The following DTD1 variants were observed in gnomAD, a reference collection of about 807,000 sequenced individuals.
The protein encoded by DTD1 is D-tyrosyl-tRNA deacylase 1 homolog.
Under a neutral mutation model 25.6 loss-of-function variants are expected in DTD1, and 13 were observed. That is an observed-to-expected ratio of 0.51 (90% CI 0.33 to 0.81). DTD1 has a LOEUF of 0.81. Ranked by LOEUF, DTD1 falls within the 30% of genes least tolerant of loss-of-function variation. The pLI, the probability that DTD1 is intolerant of heterozygous loss-of-function variation, is 0.02. For synonymous variants in DTD1, 110 were observed against 103.6 expected (o/e 1.06, Z -0.37); for missense variants, 193 against 266.4 (o/e 0.72, Z 1.92).
intron 3 of DTD1, among the ~76,000 whole-genome samples, chr20:18,616,613 C>T (rs755446552): frequency 2.0e-5 from 3 of 151,858 alleles, no homozygotes; most frequent in Non-Finnish European, 4.4e-5. Context: ...CATAGCAAGA[C>T]CCCATCTCTA....
At chr20:18,630,525 A>G (rs2060782126) in intron 4 of DTD1, 1 of 151,794 alleles carries the variant, frequency 6.6e-6, no homozygotes, top group South Asian at 2.1e-4. Flanking sequence ...ATGCCCGGCT[A>G]ATTTTTTTGT....
intron 5 of DTD1, among the ~76,000 whole-genome samples, chr20:18,758,740 T>C (rs954656454): frequency 1.3e-5 from 2 of 152,244 alleles, no homozygotes; most frequent in African/African-American, 2.4e-5. Flanking sequence ...AAAGAACGTA[T>C]ATCCTGTTGA....
rs538419693 is a variant in DTD1 at position 18,627,986 on chromosome 20, C to T, written c.371-141C>T. Reference sequence around the variant, plus strand: ...TCCCAGCCGTGAGGAACTGTGAGTCCGTTAAACCTCTTTCTTTTGTAAGTT... The same window carrying T: ...TCCCAGCCGTGAGGAACTGTGAGTCTGTTAAACCTCTTTCTTTTGTAAGTT... On this transcript the variant is annotated intron_variant, in intron 3 of 5. Transcript: ENST00000377452. The T allele has an allele frequency of 5.6e-4, 374 of 669,230 alleles. 5 individuals are homozygous for T. In the South Asian group the frequency reaches 7.5e-3, roughly 13 times the overall value. The allele number at this position is 669,230 out of a possible 1,614,324, so 41.5% of individuals were successfully genotyped here.
intron 4 of DTD1, among the ~76,000 whole-genome samples, chr20:18,690,987 A>G (rs2061044516): frequency 6.6e-6 from 1 of 152,258 alleles, no homozygotes. Context: ...AAGAAGTCAT[A>G]TGCATGGCCA....
chr20:18,705,926 T>G (rs1471683616), intron 4 of DTD1, among the ~76,000 whole-genome samples: 2 of 152,240 alleles, frequency 1.3e-5, no homozygotes, highest in Admixed American at 1.3e-4. Flanking sequence ...ATTTTCTCTT[T>G]GGCTGTCTGT....
intron 4 of DTD1, among the ~76,000 whole-genome samples, chr20:18,726,960 A>G (rs1199377755): frequency 6.6e-6 from 1 of 152,198 alleles, no homozygotes; most frequent in Non-Finnish European, 1.5e-5. Context: ...AGAGTTACCA[A>G]TCTTTGCATT....
intron 4 of DTD1, among the ~76,000 whole-genome samples, chr20:18,705,246 A>T (rs115515392): frequency 1.4e-3 from 213 of 152,258 alleles, no homozygotes; most frequent in African/African-American, 4.9e-3. Flanking sequence ...ATATCAGGGG[A>T]TAAGGAGAGT....
chr20:18,675,844 A>G (rs28755995), intron 4 of DTD1, among the ~76,000 whole-genome samples: 89 of 4,644 alleles, frequency 0.019, 10 homozygotes, highest in African/African-American at 0.025. Context: ...CTATGTGTAT[A>G]TTTACACATA....
At chr20:18,676,772 G>C (rs570183988) in intron 4 of DTD1, among the ~76,000 whole-genome samples, 1 of 152,154 alleles carries the variant, frequency 6.6e-6, no homozygotes, top group Non-Finnish European at 1.5e-5. Context: ...TCTCAGCTCT[G>C]CCGCTGGTTA....
intron 5 of DTD1, among the ~76,000 whole-genome samples, chr20:18,755,079 A>C (rs7263009): frequency 0.018 from 2,813 of 152,326 alleles, 48 homozygotes; most frequent in African/African-American, 0.048. Flanking sequence ...AAAACCTCTC[A>C]GGATCCCTTC....
At chr20:18,609,212 C>A (rs545292924) in intron 3 of DTD1, among the ~76,000 whole-genome samples, 1 of 151,882 alleles carries the variant, frequency 6.6e-6, no homozygotes. Flanking sequence ...ACGAGATCTC[C>A]GCTCACTGCA....
At chr20:18,653,242 A>G (rs2122357902) in intron 4 of DTD1, among the ~76,000 whole-genome samples, 1 of 152,278 alleles carries the variant, frequency 6.6e-6, no homozygotes, top group South Asian at 2.1e-4. Flanking sequence ...TCTCTATAAA[A>G]AATTAGCTGG....
intron 4 of DTD1, among the ~76,000 whole-genome samples, chr20:18,697,804 C>T (rs556489158): frequency 6.4e-4 from 97 of 152,344 alleles, no homozygotes; most frequent in Middle Eastern, 3.4e-3. Flanking sequence ...CCTGCCTCAG[C>T]CTCTCGAGTA....
At chr20:18,760,285 C>T (rs1253977222) in intron 5 of DTD1, among the ~76,000 whole-genome samples, 5 of 152,194 alleles carry the variant, frequency 3.3e-5, no homozygotes, top group Non-Finnish European at 7.3e-5. Flanking sequence ...TGAGGAGCTG[C>T]ATTCTTTTGG....
intron 2 of DTD1, among the ~76,000 whole-genome samples, chr20:18,594,151 A>T (rs2060601105): frequency 2.0e-5 from 3 of 152,178 alleles, no homozygotes; most frequent in African/African-American, 7.2e-5. Context: ...TTGGGCAGTT[A>T]TCTGGGCACT....
chr20:18,716,786 A>C (rs1426112251), intron 4 of DTD1, among the ~76,000 whole-genome samples: 1 of 152,252 alleles, frequency 6.6e-6, no homozygotes, highest in African/African-American at 2.4e-5. Context: ...TGATCAGAGA[A>C]GCCTTACTGG....
At chr20:18,669,284 C>T (rs917885689) in intron 4 of DTD1, among the ~76,000 whole-genome samples, 9 of 152,170 alleles carry the variant, frequency 5.9e-5, no homozygotes, top group African/African-American at 2.2e-4. Flanking sequence ...AGGGTCCCCT[C>T]CCACTGGTCA....
At chr20:18,649,433 G>A (rs56160708) in intron 4 of DTD1, among the ~76,000 whole-genome samples, 174 of 140,742 alleles carry the variant, frequency 1.2e-3, no homozygotes, top group Middle Eastern at 4.0e-3. Flanking sequence ...CCGCCTCCCG[G>A]GTTCACGCCA....
At chr20:18,597,367 T>G (rs1481333973) in intron 3 of DTD1, among the ~76,000 whole-genome samples, 2 of 152,196 alleles carry the variant, frequency 1.3e-5, no homozygotes, top group Admixed American at 6.5e-5. Context: ...ATGACTTTAT[T>G]AAGATATAAT....
Sources: allele counts gnomAD v4.1 joint callset (sites outside exome capture counted in the v4.1 genomes callset), GRCh38; gene constraint gnomAD v4.1.1; transcripts MANE v1.5; gene names NCBI Gene and HGNC (gene_info 2026-07-23, HGNC 2026-07-21).